DNHD1: variants seen among roughly 807,000 people sequenced by gnomAD.
DNHD1 encodes dynein heavy chain domain 1, also known as dynein heavy chain domain-containing protein 1.
Under a neutral mutation model 458.1 loss-of-function variants are expected in DNHD1, and 383 were observed. The ratio of observed to expected loss-of-function variants is 0.84; its 90% CI spans 0.77 to 0.91. DNHD1 has a LOEUF of 0.91. DNHD1 is among the 40% of genes least tolerant of loss of function. DNHD1 has a pLI of 0.00. For synonymous variants in DNHD1, 2,203 were observed against 2,376.9 expected (o/e 0.93, Z 2.13); for missense variants, 5,336 against 5,866.1 (o/e 0.91, Z 2.95).
rs11287049 is a variant in DNHD1 at position 6,512,211 on chromosome 11, C to CTTTTTTTTTTTTTTTT, written c.1392+794_1392+809dup. Among the ~76,000 whole-genome samples the CTTTTTTTTTTTTTTTT allele has an allele frequency of 2.9e-4, 27 of 91,624 alleles. 2 individuals carry two copies. The highest frequency in any genetic ancestry group is 6.6e-4 in the African/African-American group (14 of 21,344). 60.1% of individuals were successfully genotyped at this position (91,624 alleles called of 152,430 possible). ...CAAGGAATTTCTTTTCTTTTTCTTTCTTTTTTTTTTTTTTTTTTTTTTTTT... is the reference window on the plus strand; with the variant it reads ...CAAGGAATTTCTTTTCTTTTTCTTTCTTTTTTTTTTTTTTTTTTTTTTTTTTTTTTTTTTTTTTTTT... On this transcript the variant is annotated intron_variant, in intron 7 of 42. Transcript: ENST00000254579.
chr11:6,510,258 TA>T (rs765269809), intron 6 of DNHD1, among the ~76,000 whole-genome samples: 3 of 152,042 alleles, frequency 2.0e-5, no homozygotes, highest in Non-Finnish European at 2.9e-5. Context: ...TAATTTTTTT[TA>T]TTTTTAGTAG....
At chr11:6,566,194 A>G (rs1379587511) in intron 33 of DNHD1, 47 bp from the exon 34 acceptor site, 5 of 1,542,852 alleles carry the variant, frequency 3.2e-6, no homozygotes, top group Non-Finnish European at 4.4e-6. Context: ...AATGGGGATC[A>G]TGGGTGCTGG....
chr11:6,559,329 G>A (rs1451770033), intron 28 of DNHD1, 46 bp downstream of exon 28: 2 of 1,489,808 alleles, frequency 1.3e-6, no homozygotes, highest in African/African-American at 1.4e-5. Flanking sequence ...CAAAGCAGGA[G>A]CCCAAAGGGG....
chr11:6,557,488 G>C lies in DNHD1; in HGVS notation c.8193G>C (p.Glu2731Asp). The C allele has an allele frequency of 6.4e-7, 1 of 1,551,738 alleles. No homozygotes were observed. Among genetic ancestry groups the C allele is most frequent in the East Asian group, 2.4e-5 (1 of 40,910 alleles). The change falls in exon 25 of 43, where the codon GAG becomes GAC. Residue 2731 changes from glutamate (E) to aspartate (D), a missense_variant. By Grantham distance (45) the Glu-to-Asp change is conservative (BLOSUM62 2). Transcript: ENST00000254579. ...SNSNSETEEE[E>D]EPYGLQVARV... ...GCAATAGTGAAACAGAGGAGGAAGA[G>C]GAACCTTATGGCCTTCAGGTCGCCA...
intron 3 of DNHD1, among the ~76,000 whole-genome samples, chr11:6,499,935 CCTT>C (rs1420399075): frequency 6.7e-6 from 1 of 149,542 alleles, no homozygotes; most frequent in Non-Finnish European, 1.5e-5. Context: ...CTTACAGAGA[CCTT>C]CTCTTCTCAG....
intron 12 of DNHD1, among the ~76,000 whole-genome samples, chr11:6,529,981 C>T (rs529929050): frequency 6.6e-6 from 1 of 152,306 alleles, no homozygotes; most frequent in South Asian, 2.1e-4. Flanking sequence ...GGGTCCCTAG[C>T]CCCTCAACAC....
Position 6,565,765 on chromosome 11 carries a change from A to G in DNHD1, c.10827A>G (p.Glu3609=), listed in dbSNP as rs1449771696. The G allele has an allele frequency of 3.9e-6, 6 of 1,551,632 alleles. No homozygotes were observed. The East Asian group carries it at 1.2e-4, about 32-fold the overall frequency. The part of the protein sequence containing the change: ...TDMKEEDDES[E]ESNEAEDQTK... Reference sequence around the variant, plus strand: ...TGAAAGAGGAAGATGATGAGAGTGAAGAGAGTAATGAGGCTGAGGACCAGA... The same window carrying G: ...TGAAAGAGGAAGATGATGAGAGTGAGGAGAGTAATGAGGCTGAGGACCAGA... Residue 3609 remains glutamate, a synonymous_variant, in exon 33 of 43, where the codon GAA becomes GAG. Coordinates refer to ENST00000254579, the MANE Select transcript of DNHD1 (RefSeq NM_144666.3).
intron 12 of DNHD1, 136 bp from the exon 13 acceptor site, chr11:6,532,891 G>A (rs951147180): frequency 3.8e-6 from 3 of 796,856 alleles, no homozygotes; most frequent in African/African-American, 3.5e-5. Context: ...CATTGAGCAG[G>A]GATTCAACAA....
In DNHD1 at chr11:6,567,342, G is replaced by C. The variant is rs776414053; in HGVS notation, c.11833G>C (p.Ala3945Pro). ...GALGALALLQATGKASELERL... is the reference protein window; with the variant it reads ...GALGALALLQPTGKASELERL... ...ATTGGGCGCTTTGGCTCTGCTGCAAGCAACAGGGAAAGCATCAGAGCTGGA... is the reference window on the plus strand; with the variant it reads ...ATTGGGCGCTTTGGCTCTGCTGCAACCAACAGGGAAAGCATCAGAGCTGGA... The change falls in exon 36 of 43, where the codon GCA (alanine) becomes CCA (proline). Residue 3945 changes from alanine (A) to proline (P), a missense_variant. By Grantham distance (27) the Ala-to-Pro change is conservative (BLOSUM62 -1). Coordinates refer to ENST00000254579, the MANE Select transcript of DNHD1 (RefSeq NM_144666.3). The C allele has an allele frequency of 3.1e-6, 5 of 1,614,086 alleles. No homozygotes were observed. Among genetic ancestry groups the C allele is most frequent in the Non-Finnish European group, 8.5e-7 (1 of 1,179,904 alleles).
rs1276074582 is a variant in DNHD1 at position 6,544,806 on chromosome 11, G to C, written c.3867G>C (p.Lys1289Asn). 1 of 1,551,094 alleles carries C rather than the reference G, an allele frequency of 6.4e-7. No homozygotes were observed. Among genetic ancestry groups the C allele is most frequent in the African/African-American group, 1.4e-5 (1 of 73,020 alleles). ...FPNADLNSRF[K>N]VMDDQYRTLM... Reference sequence around the variant, plus strand: ...CCTCACCACAGAACTCTCGTTTCAAGGTCATGGATGACCAGTATCGAACCC... The same window carrying C: ...CCTCACCACAGAACTCTCGTTTCAACGTCATGGATGACCAGTATCGAACCC... The change falls in exon 21 of 43, where the codon AAG becomes AAC. Residue 1289 changes from lysine to asparagine, a missense_variant. Around this residue, in one of 4 missense-constraint regions of DNHD1, gnomAD observed 3,932 missense variants for 4,365.6 expected, o/e 0.90. Coordinates refer to ENST00000254579, the MANE Select transcript of DNHD1 (RefSeq NM_144666.3).
At position 6,539,948 on chromosome 11, in the gene DNHD1, C is replaced by T. The variant is rs974956605; in HGVS notation, c.3493C>T (p.Arg1165Cys). The T allele has an allele frequency of 6.2e-5, 96 of 1,551,736 alleles. No homozygotes were observed. The East Asian group carries it at 1.0e-3, about 17-fold the overall frequency. Residue 1165 changes from arginine to cysteine, a missense_variant, in exon 18 of 43, where the codon CGC (arginine) becomes TGC (cysteine). This residue lies in a region of DNHD1 where 3,932 missense variants were observed against 4,365.6 expected (regional missense o/e 0.90). Coordinates refer to ENST00000254579, the MANE Select transcript of DNHD1 (RefSeq NM_144666.3). ...IRRLQRYWEA[R>C]QLRLLNFILH... ...GCGGTTGCAGCGGTACTGGGAAGCGCGCCAGCTGCGCCTGCTCAACTTCAT... is the reference window on the plus strand; with the variant it reads ...GCGGTTGCAGCGGTACTGGGAAGCGTGCCAGCTGCGCCTGCTCAACTTCAT...
Position 6,544,136 on chromosome 11 carries a change from A to T in DNHD1, c.3644A>T (p.Gln1215Leu). The T allele has an allele frequency of 2.6e-6, 4 of 1,551,630 alleles. No individual in the cohort carries two copies. The highest frequency in any genetic ancestry group is 3.5e-6 in the Non-Finnish European group (4 of 1,146,948). ...TCTGTCTTAGATTACAGCAACCTGC[A>T]GGATTCCATCCAGGAAAGTCTTCAG... ...TFILSDYSNLQDSIQESLQVL... is the reference protein window; with the variant it reads ...TFILSDYSNLLDSIQESLQVL... The change falls in exon 19 of 43, where the codon CAG (glutamine) becomes CTG (leucine). Residue 1215 changes from glutamine (Q) to leucine (L), a missense_variant. This residue lies in a region of DNHD1 where 3,932 missense variants were observed against 4,365.6 expected (regional missense o/e 0.90). Coordinates refer to ENST00000254579, the MANE Select transcript of DNHD1 (RefSeq NM_144666.3).
At chr11:6,503,204 T>A (rs567177287) in intron 4 of DNHD1, 108 of 348,240 alleles carry the variant, frequency 3.1e-4, no homozygotes, top group African/African-American at 2.2e-3. Flanking sequence ...CCTAGAATGA[T>A]AGAAACATTT....
intron 28 of DNHD1, among the ~76,000 whole-genome samples, chr11:6,561,119 C>T (rs765141621): frequency 6.6e-6 from 1 of 152,162 alleles, no homozygotes; most frequent in Non-Finnish European, 1.5e-5. Context: ...GCACATAGAG[C>T]TCAATAAATG....
rs1853246831 is a variant in DNHD1, at chr11:6,547,439, A to G, written c.6500A>G (p.Glu2167Gly). 6.4e-7 allele frequency: 1 copy of G among 1,551,642 alleles called. No individual in the cohort carries two copies. The change falls in exon 21 of 43, where the codon GAG becomes GGG. Residue 2167 changes from glutamate to glycine, a missense_variant. Glu to Gly is a moderately conservative substitution (Grantham distance 98). Coordinates refer to ENST00000254579, the MANE Select transcript of DNHD1 (RefSeq NM_144666.3). ...LSALMASLPY[E>G]YRLQHRTVAE... The stretch of plus-strand genomic sequence containing the variant: ...GCCCTGATGGCATCCCTTCCTTATG[A>G]GTACCGCCTGCAGCACCGGACAGTC...
At chr11:6,536,512 GCA>G (rs771016281) in intron 14 of DNHD1, among the ~76,000 whole-genome samples, 10 of 152,182 alleles carry the variant, frequency 6.6e-5, no homozygotes, top group Non-Finnish European at 1.0e-4. Context: ...ACATGCCCAT[GCA>G]CAGAGCATGT....
chr11:6,521,431 ATTC>A (rs1852601763), intron 10 of DNHD1, among the ~76,000 whole-genome samples: 1 of 152,222 alleles, frequency 6.6e-6, no homozygotes, highest in African/African-American at 2.4e-5. Context: ...AGCTGAAAAT[ATTC>A]ACCTACCATG....
Position 6,571,394 on chromosome 11 carries a change from G to A in DNHD1, c.13882G>A (p.Glu4628Lys), listed in dbSNP as rs1853847632. 6.2e-7 allele frequency: 1 copy of A among 1,607,774 alleles called. No homozygotes were observed. The highest frequency in any genetic ancestry group is 1.3e-5 in the African/African-American group (1 of 74,924). The change falls in exon 42 of 43, where the codon GAG becomes AAG. Residue 4628 changes from glutamate to lysine, a missense_variant. Physicochemically the swap from Glu to Lys is moderately conservative, Grantham distance 56. Around this residue, in one of 4 missense-constraint regions of DNHD1, gnomAD observed 698 missense variants for 664.9 expected, o/e 1.05. Coordinates refer to ENST00000254579, the MANE Select transcript of DNHD1 (RefSeq NM_144666.3). This position sits in a 1 kb window ranked among gnomAD's most constrained non-coding sequence, Gnocchi z 5.0. Reference protein sequence around the residue: ...VSSQLQYKRLEMNSNPLHFRV... With the variant: ...VSSQLQYKRLKMNSNPLHFRV... ...CAGTCAGCTCCAGTATAAACGTCTG[G>A]AGATGAACAGCAACCCTCTGCACTT...
chr11:6,527,453 A>G (rs1189753095), intron 10 of DNHD1, among the ~76,000 whole-genome samples: 1 of 152,254 alleles, frequency 6.6e-6, no homozygotes, highest in East Asian at 1.9e-4. Flanking sequence ...GTGACTATAA[A>G]GATTTTGACT....
Sources: gnomAD v4.1 joint callset for allele counts (sites outside exome capture counted in the v4.1 genomes callset) on GRCh38, gnomAD v4.1.1 for gene constraint, gnomAD v4.1.1 regional missense constraint, Gnocchi (gnomAD v3.1) non-coding constraint, MANE v1.5 for transcripts, NCBI Gene and HGNC (gene_info 2026-07-23, HGNC 2026-07-21) for gene names.